DSCAM: variants seen among roughly 807,000 people sequenced by gnomAD.
The protein encoded by DSCAM is DS cell adhesion molecule.
Under a neutral mutation model 217.7 loss-of-function variants are expected in DSCAM, and 47 were observed. The ratio of observed to expected loss-of-function variants is 0.22; its 90% CI spans 0.17 to 0.28. The LOEUF is 0.28. Among genes scored for constraint, DSCAM ranks in the 10% least tolerant of loss-of-function variants. The pLI is 1.00. For missense variants in DSCAM, 2,080 were observed against 2,618.3 expected (o/e 0.79, Z 4.49); for synonymous variants, 1,056 against 1,015.3 (o/e 1.04, Z -0.76).
At chr21:40,266,649 A>ATATATATATATATATATT (rs2073535021) in intron 11 of DSCAM, among the ~76,000 whole-genome samples, 1 of 122,784 alleles carries the variant, frequency 8.1e-6, no homozygotes, top group African/African-American at 3.3e-5. Flanking sequence ...ATATATATAT[A>ATATATATATATATATATT]TATATATATA....
intron 3 of DSCAM, among the ~76,000 whole-genome samples, chr21:40,456,159 C>A (rs1367268843): frequency 6.6e-6 from 1 of 151,678 alleles, no homozygotes; most frequent in Non-Finnish European, 1.5e-5. Flanking sequence ...AGTATCATTG[C>A]AAGAAGGCTT....
intron 16 of DSCAM, among the ~76,000 whole-genome samples, chr21:40,158,884 C>A (rs2090508233): frequency 6.6e-6 from 1 of 152,188 alleles, no homozygotes; most frequent in Admixed American, 6.5e-5. Context: ...TTTGAAGTAG[C>A]TTTCAGCATT....
chr21:40,297,851 T>C (rs1361822371), intron 9 of DSCAM, among the ~76,000 whole-genome samples: 1 of 152,198 alleles, frequency 6.6e-6, no homozygotes, highest in African/African-American at 2.4e-5. Context: ...GTTAAACACA[T>C]TGGCTTGGTG....
In DSCAM at chr21:40,673,169, C is replaced by T. The variant is rs530829302; in HGVS notation, c.508+19641G>A. 3.3e-5 allele frequency among the ~76,000 whole-genome samples: 5 copies of T among 152,310 alleles called. No individual in the cohort carries two copies. The East Asian group carries it at 9.7e-4, about 29-fold the overall frequency. ...CTTCCACCAACCACAGTCCCCTCCA[C>T]CTGAGCACCCACACATGGTTGGTTG... On this transcript the variant is annotated intron_variant, in intron 3 of 32. Coordinates refer to ENST00000400454, the MANE Select transcript of DSCAM (RefSeq NM_001389.5).
intron 15 of DSCAM, among the ~76,000 whole-genome samples, chr21:40,175,811 A>ACACACACACACACACACACG (rs2090722004): frequency 1.6e-5 from 2 of 127,476 alleles, no homozygotes; most frequent in African/African-American, 2.9e-5. Context: ...ACACACACGC[A>ACACACACACACACACACACG]CACACACACA....
chr21:40,192,392 G>A (rs1053511372), intron 11 of DSCAM, among the ~76,000 whole-genome samples: 6 of 152,188 alleles, frequency 3.9e-5, no homozygotes, highest in African/African-American at 1.4e-4. Flanking sequence ...GTGATAGTGA[G>A]TGAGGTCTCA....
intron 3 of DSCAM, among the ~76,000 whole-genome samples, chr21:40,433,344 T>C (rs1234798496): frequency 7.9e-5 from 8 of 101,682 alleles, no homozygotes; most frequent in Non-Finnish European, 1.6e-4. Context: ...TAAGACTCCG[T>C]CTAAAAAAAA....
intron 10 of DSCAM, among the ~76,000 whole-genome samples, chr21:40,281,597 C>T (rs188060783): frequency 4.5e-4 from 69 of 152,250 alleles, no homozygotes; most frequent in Admixed American, 3.8e-3. Flanking sequence ...AATGTACAAA[C>T]GTTATCTCCT....
chr21:40,408,759 T>G (rs1298737513), intron 3 of DSCAM, among the ~76,000 whole-genome samples: 1 of 152,060 alleles, frequency 6.6e-6, no homozygotes, highest in Non-Finnish European at 1.5e-5. Context: ...ACAGCTGGAG[T>G]GACGTGTTCA....
chr21:40,058,181 GTTC>G (rs1401041645), intron 28 of DSCAM, among the ~76,000 whole-genome samples: 1 of 151,952 alleles, frequency 6.6e-6, no homozygotes, highest in African/African-American at 2.4e-5. Context: ...CGGACTCACA[GTTC>G]TTCTTTCTCT....
At chr21:40,061,158 C>T (rs2089112514) in intron 28 of DSCAM, among the ~76,000 whole-genome samples, 1 of 152,152 alleles carries the variant, frequency 6.6e-6, no homozygotes, top group Non-Finnish European at 1.5e-5. Context: ...TCTTTTCATT[C>T]CCATCAATAC....
chr21:40,312,807 TGAA>T (rs1182218226), intron 8 of DSCAM, among the ~76,000 whole-genome samples: 3 of 152,122 alleles, frequency 2.0e-5, no homozygotes, highest in Non-Finnish European at 4.4e-5. Context: ...CTAAACCCAC[TGAA>T]GAAGCAGAAA....
intron 8 of DSCAM, among the ~76,000 whole-genome samples, chr21:40,316,286 A>C (rs2074196039): frequency 6.6e-6 from 1 of 152,206 alleles, no homozygotes; most frequent in Non-Finnish European, 1.5e-5. Context: ...ACATTACATC[A>C]TTGTTAATGT....
chr21:40,631,078 A>T (rs1402420389), intron 3 of DSCAM, among the ~76,000 whole-genome samples: 1 of 152,188 alleles, frequency 6.6e-6, no homozygotes, highest in African/African-American at 2.4e-5. Flanking sequence ...ACACCATGTT[A>T]TGTAGCAGAA....
intron 3 of DSCAM, among the ~76,000 whole-genome samples, chr21:40,548,846 T>C (rs1312294703): frequency 2.0e-5 from 3 of 152,202 alleles, no homozygotes; most frequent in Non-Finnish European, 4.4e-5. Flanking sequence ...CGATATTTTA[T>C]CTGAGAGTGG....
chr21:40,731,876 GCAC>G (rs551222961), intron 1 of DSCAM, among the ~76,000 whole-genome samples: 262 of 152,090 alleles, frequency 1.7e-3, no homozygotes, highest in Admixed American at 2.4e-3. Flanking sequence ...TTACAGGTGT[GCAC>G]CACATCTGGC....
intron 3 of DSCAM, among the ~76,000 whole-genome samples, chr21:40,523,939 C>G (rs150812308): frequency 2.8e-4 from 43 of 152,188 alleles, no homozygotes; most frequent in African/African-American, 1.0e-3. Context: ...ACCGAAAACA[C>G]GAGCCACACC....
intron 12 of DSCAM, 97 bp from the exon 13 acceptor site, chr21:40,188,084 T>C (rs962230705): frequency 2.2e-5 from 18 of 830,870 alleles, no homozygotes; most frequent in African/African-American, 5.2e-5. Flanking sequence ...TCTCCTGCCA[T>C]GCCAAGCACA....
intron 1 of DSCAM, among the ~76,000 whole-genome samples, chr21:40,719,685 A>G (rs1344761300): frequency 9.2e-5 from 14 of 152,244 alleles, no homozygotes; most frequent in Admixed American, 8.5e-4. Context: ...AAAAGCAAAA[A>G]GACACCAAAG....
Sources: gnomAD v4.1 joint callset for allele counts (sites outside exome capture counted in the v4.1 genomes callset) on GRCh38, gnomAD v4.1.1 for gene constraint, MANE v1.5 for transcripts, NCBI Gene and HGNC (gene_info 2026-07-23, HGNC 2026-07-21) for gene names.